CSRNP3: variants seen among roughly 807,000 people sequenced by gnomAD.
CSRNP3 encodes the protein cysteine and serine rich nuclear protein 3, also known as cysteine/serine-rich nuclear protein 3.
In CSRNP3, 12 loss-of-function variants were observed where a neutral mutation model predicts 48.0. The observed-to-expected ratio is 0.25, with a 90% CI of 0.16 to 0.41. CSRNP3 has a LOEUF of 0.41. CSRNP3 is among the 10% of genes least tolerant of loss of function. The pLI, the probability that CSRNP3 is intolerant of heterozygous loss-of-function variation, is 1.00. For synonymous variants in CSRNP3, 263 were observed against 269.7 expected (o/e 0.98, Z 0.24); for missense variants, 580 against 724.4 (o/e 0.80, Z 2.29).
At chr2:165,486,168 CAAAT>C (rs1558913594) in intron 1 of CSRNP3, among the ~76,000 whole-genome samples, 1 of 152,180 alleles carries the variant, frequency 6.6e-6, no homozygotes, top group African/African-American at 2.4e-5. Context: ...CTTTCCGAGT[CAAAT>C]AAATGGGTGA....
intron 3 of CSRNP3, among the ~76,000 whole-genome samples, chr2:165,565,917 C>CA (rs1296337121): frequency 6.6e-6 from 1 of 151,910 alleles, no homozygotes; most frequent in South Asian, 2.1e-4. Flanking sequence ...TTATTGTAAA[C>CA]AAAATAAGCA....
At chr2:165,538,167 T>G (rs1327280764) in intron 3 of CSRNP3, among the ~76,000 whole-genome samples, 1 of 151,926 alleles carries the variant, frequency 6.6e-6, no homozygotes, top group Non-Finnish European at 1.5e-5. Context: ...CACAGGAATA[T>G]CTGCATATAA....
chr2:165,628,680 C>G (rs1040956348), intron 4 of CSRNP3, among the ~76,000 whole-genome samples: 1 of 152,080 alleles, frequency 6.6e-6, no homozygotes, highest in Non-Finnish European at 1.5e-5. Context: ...GGCGAGATGG[C>G]GCCATCACAC....
chr2:165,563,350 T>C (rs150189435), intron 3 of CSRNP3, among the ~76,000 whole-genome samples: 2 of 152,274 alleles, frequency 1.3e-5, no homozygotes, highest in Non-Finnish European at 2.9e-5. Context: ...CAATCACTAA[T>C]AGACTGCTAA....
intron 4 of CSRNP3, among the ~76,000 whole-genome samples, chr2:165,616,556 ATAAAAACACTTTGAATATAT>A (rs1484914942): frequency 6.6e-6 from 1 of 152,152 alleles, no homozygotes; most frequent in African/African-American, 2.4e-5. Context: ...CTAACTTTTT[ATAAAAACACTTTGAATATAT>A]TATCCCCTTC....
In CSRNP3 at chr2:165,520,783, T is replaced by TTATATACATATA. The variant is rs1553472387; in HGVS notation, c.-24+2828_-24+2829insCATATATATATA. ...TATAGAAATATATTATATATATATA[T>TTATATACATATA]TATATATATATATATATATATATAT... On this transcript the variant is annotated intron_variant, in intron 3 of 6. Transcript: ENST00000651982. Among the ~76,000 whole-genome samples the TTATATACATATA allele has an allele frequency of 1.5e-3, 45 of 29,666 alleles. 2 individuals are homozygous for TTATATACATATA. Among genetic ancestry groups the TTATATACATATA allele is most frequent in the Middle Eastern group, 0.01 (1 of 100 alleles). The allele number at this position is 29,666 out of a possible 152,430, so 19.5% of individuals were successfully genotyped here.
intron 1 of CSRNP3, among the ~76,000 whole-genome samples, chr2:165,492,426 G>C (rs1684226225): frequency 6.6e-6 from 1 of 151,902 alleles, no homozygotes; most frequent in East Asian, 1.9e-4. Flanking sequence ...TGTCTCTCTT[G>C]GGCTTTGGCA....
intron 3 of CSRNP3, among the ~76,000 whole-genome samples, chr2:165,579,692 T>G (rs1050166213): frequency 6.6e-6 from 1 of 152,218 alleles, no homozygotes; most frequent in African/African-American, 2.4e-5. Flanking sequence ...CATGAAGTGA[T>G]CACTTTGTTA....
intron 4 of CSRNP3, among the ~76,000 whole-genome samples, chr2:165,632,651 G>A (rs544540447): frequency 6.6e-6 from 1 of 152,138 alleles, no homozygotes; most frequent in African/African-American, 2.4e-5. Flanking sequence ...ACCATTTTAT[G>A]TTTAAATAGA....
At chr2:165,603,051 G>A (rs957532231) in intron 4 of CSRNP3, among the ~76,000 whole-genome samples, 3 of 151,792 alleles carry the variant, frequency 2.0e-5, no homozygotes, top group Non-Finnish European at 2.9e-5. Context: ...ACCTGCCATC[G>A]TGCCCGGCTA....
rs1177235623 is a variant in CSRNP3, at chr2:165,684,466, C to G, written c.*4713C>G. On this transcript the variant is annotated 3_prime_UTR_variant, in exon 7 of 7. Coordinates refer to ENST00000651982, the MANE Select transcript of CSRNP3 (RefSeq NM_001172173.2). ...AAATACCAGGCTTTAATGGGAAGCA[C>G]CTTTGTGCTTTCAAAGGCAAGACTT... 6.6e-6 allele frequency: 1 copy of G among 152,008 alleles called. No individual in the cohort carries two copies. Among genetic ancestry groups the G allele is most frequent in the Non-Finnish European group, 1.5e-5 (1 of 67,976 alleles). The allele number at this position is 152,008 out of a possible 1,614,324, so 9.4% of individuals were successfully genotyped here.
chr2:165,634,430 AT>A (rs35575066), intron 4 of CSRNP3, among the ~76,000 whole-genome samples: 27 of 152,370 alleles, frequency 1.8e-4, no homozygotes, highest in African/African-American at 6.3e-4. Context: ...GCCAGGAAAT[AT>A]TCTAGGAATG....
chr2:165,641,813 T>C (rs1226415411), intron 4 of CSRNP3, among the ~76,000 whole-genome samples: 1 of 152,192 alleles, frequency 6.6e-6, no homozygotes, highest in East Asian at 1.9e-4. Flanking sequence ...AAGTGCTCTT[T>C]AAAGGTAAAA....
chr2:165,573,644 CAATT>C (rs1389957103), intron 3 of CSRNP3, among the ~76,000 whole-genome samples: 1 of 152,186 alleles, frequency 6.6e-6, no homozygotes, highest in African/African-American at 2.4e-5. Flanking sequence ...AAATTCTTTA[CAATT>C]AATTTTTGGA....
At chr2:165,530,990 T>G (rs1684802845) in intron 3 of CSRNP3, among the ~76,000 whole-genome samples, 1 of 151,940 alleles carries the variant, frequency 6.6e-6, no homozygotes, top group Non-Finnish European at 1.5e-5. Context: ...TTTTCAGTGA[T>G]CATTTTAAAA....
chr2:165,633,904 C>G (rs577659480), intron 4 of CSRNP3, among the ~76,000 whole-genome samples: 5 of 152,222 alleles, frequency 3.3e-5, no homozygotes, highest in Non-Finnish European at 7.3e-5. Context: ...TTCCAAGACC[C>G]TGCTGCACAA....
intron 3 of CSRNP3, among the ~76,000 whole-genome samples, chr2:165,530,850 C>T (rs1034154656): frequency 4.0e-5 from 6 of 151,728 alleles, no homozygotes; most frequent in Non-Finnish European, 8.8e-5. Context: ...TTATATCACT[C>T]GTGATTATCT....
intron 3 of CSRNP3, among the ~76,000 whole-genome samples, chr2:165,541,783 A>T (rs901148185): frequency 6.6e-6 from 1 of 152,100 alleles, no homozygotes; most frequent in African/African-American, 2.4e-5. Flanking sequence ...TCATACACTT[A>T]ATGAAGGCAC....
At chr2:165,586,033 C>T (rs1685623613) in intron 3 of CSRNP3, among the ~76,000 whole-genome samples, 1 of 152,152 alleles carries the variant, frequency 6.6e-6, no homozygotes, top group African/African-American at 2.4e-5. Flanking sequence ...CACAGCTCAC[C>T]TTCCTTTCAT....
Sources: gnomAD v4.1 joint callset for allele counts (sites outside exome capture counted in the v4.1 genomes callset) on GRCh38, gnomAD v4.1.1 for gene constraint, MANE v1.5 for transcripts, NCBI Gene and HGNC (gene_info 2026-07-23, HGNC 2026-07-21) for gene names.